Variants in MYO3B observed in about 807,000 individuals in gnomAD.
The protein encoded by MYO3B is myosin IIIB.
MYO3B carries 156 observed loss-of-function variants against 174.6 expected under a neutral mutation model. The observed-to-expected ratio is 0.89, with a 90% CI of 0.78 to 1.02. The LOEUF (loss-of-function observed/expected upper bound fraction) is 1.02, where lower values mean the gene tolerates loss of function less well. Ranked by LOEUF, MYO3B falls within the 50% of genes least tolerant of loss-of-function variation. MYO3B has a pLI of 0.00. For missense variants in MYO3B, 1,632 were observed against 1,639.4 expected, an observed-to-expected ratio of 1.00 and a Z score of 0.08; for synonymous variants, 563 against 569.1, an observed-to-expected ratio of 0.99 and a Z score of 0.15.
chr2:170,285,786 G>A (rs1421098571), intron 7 of MYO3B, among the ~76,000 whole-genome samples: 1 of 147,516 alleles, frequency 6.8e-6, no homozygotes, highest in African/African-American at 2.5e-5. Flanking sequence ...CATTATTTAT[G>A]TGAAAGTCAT....
intron 32 of MYO3B, among the ~76,000 whole-genome samples, chr2:170,547,085 C>T (rs932466068): frequency 6.6e-6 from 1 of 150,688 alleles, no homozygotes; most frequent in South Asian, 2.1e-4. Context: ...TTTGGGAGGC[C>T]GAGGCGGGCA....
intron 7 of MYO3B, among the ~76,000 whole-genome samples, chr2:170,284,843 T>A (rs1353845213): frequency 1.3e-5 from 2 of 152,190 alleles, no homozygotes; most frequent in Admixed American, 1.3e-4. Flanking sequence ...ACCATCACAA[T>A]AAAATTGGTG....
At chr2:170,642,671 T>G (rs1471219981) in intron 32 of MYO3B, among the ~76,000 whole-genome samples, 2 of 152,106 alleles carry the variant, frequency 1.3e-5, no homozygotes, top group Non-Finnish European at 2.9e-5. Context: ...GAATCTTGAG[T>G]TATAGCTTAG....
chr2:170,468,123 A>G (rs1684759868), intron 25 of MYO3B, among the ~76,000 whole-genome samples: 1 of 152,222 alleles, frequency 6.6e-6, no homozygotes, highest in Non-Finnish European at 1.5e-5. Flanking sequence ...GAGGATATCA[A>G]AGATTTCTGA....
At chr2:170,263,329 C>G (rs2093359105) in intron 7 of MYO3B, among the ~76,000 whole-genome samples, 1 of 152,104 alleles carries the variant, frequency 6.6e-6, no homozygotes, top group South Asian at 2.1e-4. Flanking sequence ...CCCCTCCACA[C>G]CTGTGGGTGT....
At chr2:170,546,432 T>C (rs1690487044) in intron 32 of MYO3B, among the ~76,000 whole-genome samples, 1 of 152,222 alleles carries the variant, frequency 6.6e-6, no homozygotes, top group Non-Finnish European at 1.5e-5. Context: ...TTAAAATGTA[T>C]TTCTAACAAT....
intron 32 of MYO3B, among the ~76,000 whole-genome samples, chr2:170,621,108 C>G (rs935467956): frequency 1.3e-5 from 2 of 151,954 alleles, no homozygotes; most frequent in Admixed American, 6.6e-5. Flanking sequence ...AGGCTGGTCT[C>G]GAACTCCTGA....
chr2:170,607,151 TAA>T (rs1448116032), intron 32 of MYO3B, among the ~76,000 whole-genome samples: 3 of 152,232 alleles, frequency 2.0e-5, no homozygotes, highest in African/African-American at 7.2e-5. Flanking sequence ...TCAGTTATAA[TAA>T]GTCAAATTGT....
chr2:170,496,827 C>A (rs1686881422), intron 25 of MYO3B, among the ~76,000 whole-genome samples: 1 of 151,828 alleles, frequency 6.6e-6, no homozygotes, highest in Non-Finnish European at 1.5e-5. Context: ...TGGATTTGGC[C>A]ATGTTGTCCA....
chr2:170,350,685 G>A (rs1208990458), intron 8 of MYO3B: 1 of 152,126 alleles, frequency 6.6e-6, no homozygotes, highest in African/African-American at 2.4e-5. Flanking sequence ...TGTTGGCAGG[G>A]GGAAAAAAGA....
chr2:170,375,931 C>G (rs550128218), intron 9 of MYO3B, among the ~76,000 whole-genome samples: 7 of 152,184 alleles, frequency 4.6e-5, no homozygotes, highest in Admixed American at 4.6e-4. Flanking sequence ...CTATCTATAC[C>G]TATATCTGTC....
At chr2:170,343,862 G>T (rs1046518496) in intron 8 of MYO3B, 4 of 152,224 alleles carry the variant, frequency 2.6e-5, no homozygotes, top group Non-Finnish European at 5.9e-5. Flanking sequence ...GAATAACAAT[G>T]CTTCTATAAT....
chr2:170,607,501 C>T (rs952113188), intron 32 of MYO3B, among the ~76,000 whole-genome samples: 9 of 152,228 alleles, frequency 5.9e-5, no homozygotes, highest in African/African-American at 1.4e-4. Context: ...GACACATACC[C>T]TTTTGGCCCA....
chr2:170,278,732 C>T (rs559539987), intron 7 of MYO3B, among the ~76,000 whole-genome samples: 2 of 151,410 alleles, frequency 1.3e-5, no homozygotes, highest in South Asian at 4.2e-4. Flanking sequence ...ATGTTTCTAC[C>T]CATTAACCAA....
At chr2:170,641,928 A>T (rs1378359543) in intron 32 of MYO3B, among the ~76,000 whole-genome samples, 1 of 152,056 alleles carries the variant, frequency 6.6e-6, no homozygotes, top group Non-Finnish European at 1.5e-5. Context: ...TTAGTTAAAA[A>T]AAAAAGAATA....
intron 23 of MYO3B, among the ~76,000 whole-genome samples, chr2:170,461,121 A>C (rs1684253953): frequency 6.6e-6 from 1 of 152,188 alleles, no homozygotes; most frequent in Non-Finnish European, 1.5e-5. Context: ...GAGGGAAATG[A>C]AGGAGGAAAA....
intron 5 of MYO3B, among the ~76,000 whole-genome samples, 159 bp from the exon 6 acceptor site, chr2:170,217,160 G>A (rs1330364063): frequency 6.6e-6 from 1 of 152,200 alleles, no homozygotes; most frequent in Non-Finnish European, 1.5e-5. Flanking sequence ...TACTATGGCT[G>A]CTTTTGTACT....
At chr2:170,495,777 G>A (rs1253740249) in intron 25 of MYO3B, among the ~76,000 whole-genome samples, 1 of 152,196 alleles carries the variant, frequency 6.6e-6, no homozygotes, top group Non-Finnish European at 1.5e-5. Context: ...AACCCATGTT[G>A]TAAATGGCTG....
intron 32 of MYO3B, among the ~76,000 whole-genome samples, chr2:170,584,945 A>G (rs537988076): frequency 6.6e-6 from 1 of 152,360 alleles, no homozygotes; most frequent in East Asian, 1.9e-4. Context: ...CCTTTGTGTT[A>G]TCAGCTCGTG....
Sources: gnomAD v4.1 joint callset for allele counts (sites outside exome capture counted in the v4.1 genomes callset) on GRCh38, gnomAD v4.1.1 for gene constraint, MANE v1.5 for transcripts, NCBI Gene and HGNC (gene_info 2026-07-23, HGNC 2026-07-21) for gene names.